Variants in PTH2R observed in about 807,000 individuals in gnomAD.
PTH2R encodes the protein PTH2 receptor.
In PTH2R, 59 loss-of-function variants were observed where a neutral mutation model predicts 60.3. That is an observed-to-expected ratio of 0.98 (90% confidence interval 0.79 to 1.22). The LOEUF (loss-of-function observed/expected upper bound fraction) is 1.22, where lower values mean the gene tolerates loss of function less well. Ranked by LOEUF, PTH2R falls within the 50% of genes most tolerant of loss-of-function variation. The pLI is 0.00. For missense variants in PTH2R, 749 were observed against 682.6 expected (o/e 1.10, Z -1.08); for synonymous variants, 256 against 243.8 (o/e 1.05, Z -0.47).
chr2:208,391,945 A>T (rs1701116017), intron 1 of PTH2R, among the ~76,000 whole-genome samples: 1 of 152,182 alleles, frequency 6.6e-6, no homozygotes, highest in African/African-American at 2.4e-5. Context: ...GCAAGACCCT[A>T]ACTTGAGTAT....
At chr2:208,430,083 A>G (rs1701939579) in intron 2 of PTH2R, among the ~76,000 whole-genome samples, 1 of 152,160 alleles carries the variant, frequency 6.6e-6, no homozygotes. Context: ...GCCAACTAGT[A>G]TGGAAGATAT....
intron 1 of PTH2R, among the ~76,000 whole-genome samples, chr2:208,373,932 C>T: frequency 6.6e-6 from 1 of 152,014 alleles, no homozygotes; most frequent in Middle Eastern, 3.2e-3. Flanking sequence ...GCACTAAAAG[C>T]TTTTTACTTG....
At chr2:208,436,196 C>G (rs1032168500) in intron 2 of PTH2R, among the ~76,000 whole-genome samples, 5 of 152,052 alleles carry the variant, frequency 3.3e-5, no homozygotes. Context: ...AAAAATACAG[C>G]AGGAAAAGGT....
chr2:208,422,915 T>G (rs1179058211), intron 1 of PTH2R, among the ~76,000 whole-genome samples: 1 of 152,138 alleles, frequency 6.6e-6, no homozygotes, highest in Non-Finnish European at 1.5e-5. Context: ...CACTTCCCAC[T>G]CCTCAACTCC....
At chr2:208,429,301 A>G (rs1701922696) in intron 2 of PTH2R, among the ~76,000 whole-genome samples, 1 of 152,098 alleles carries the variant, frequency 6.6e-6, no homozygotes, top group Non-Finnish European at 1.5e-5. Context: ...TCTGAGATAT[A>G]TATATCTTAA....
Position 208,370,369 on chromosome 2 carries a change from G to A in PTH2R, c.-259+10132G>A, listed in dbSNP as rs533470916. Among the ~76,000 whole-genome samples the A allele has an allele frequency of 2.6e-3, 325 of 126,998 alleles. 2 individuals are homozygous for A. Among genetic ancestry groups the A allele is most frequent in the Non-Finnish European group, 3.9e-3 (248 of 63,944 alleles). The allele number at this position is 126,998 out of a possible 152,430, so 83.3% of individuals were successfully genotyped here. A position where few individuals can be genotyped will look rare whatever the true frequency, so the allele number is the denominator to read the frequency against. Reference sequence around the variant, plus strand: ...GAGGCAGGAGAATGGCGTGAACATGGGAGGCGGAGCTTGCAGTGAGCAGAG... The same window carrying A: ...GAGGCAGGAGAATGGCGTGAACATGAGAGGCGGAGCTTGCAGTGAGCAGAG... On this transcript the variant is annotated intron_variant, in intron 1 of 12. Transcript: ENST00000617735.
intron 10 of PTH2R, 31 bp from the exon 11 acceptor site, chr2:208,488,981 A>T: frequency 6.2e-7 from 1 of 1,611,884 alleles, no homozygotes; most frequent in Non-Finnish European, 8.5e-7. Context: ...ACTCTAGTTA[A>T]TGAATGAAAA....
At chr2:208,442,596 GTTATTTGACAA>G in intron 5 of PTH2R, 135 bp downstream of exon 5, 4 of 681,836 alleles carry the variant, frequency 5.9e-6, no homozygotes. Context: ...ATGTTATTAT[GTTATTTGACAA>G]TTAATTTTTC....
intron 1 of PTH2R, among the ~76,000 whole-genome samples, 188 bp downstream of exon 1, chr2:208,407,306 G>C (rs1454777924): frequency 6.6e-6 from 1 of 152,186 alleles, no homozygotes; most frequent in Non-Finnish European, 1.5e-5. Flanking sequence ...TCAAAGATCT[G>C]CTTTAGTGGA....
intron 1 of PTH2R, among the ~76,000 whole-genome samples, chr2:208,397,509 T>G (rs1701233741): frequency 6.6e-6 from 1 of 151,912 alleles, no homozygotes; most frequent in Non-Finnish European, 1.5e-5. Flanking sequence ...TGGAGTGGCT[T>G]TAGGGAGTGG....
At chr2:208,362,235 G>T (rs1358557012) in intron 1 of PTH2R, among the ~76,000 whole-genome samples, 1 of 152,168 alleles carries the variant, frequency 6.6e-6, no homozygotes, top group East Asian at 1.9e-4. Flanking sequence ...GACTTGAATT[G>T]AATTACAGCA....
intron 10 of PTH2R, among the ~76,000 whole-genome samples, chr2:208,484,181 A>G (rs534336587): frequency 8.5e-5 from 13 of 152,366 alleles, no homozygotes; most frequent in African/African-American, 2.9e-4. Flanking sequence ...GCATACTACT[A>G]TGAAAAACAG....
At chr2:208,387,301 A>G (rs909155860) in intron 1 of PTH2R, among the ~76,000 whole-genome samples, 1 of 152,242 alleles carries the variant, frequency 6.6e-6, no homozygotes, top group Admixed American at 6.5e-5. Flanking sequence ...CTTAGATTGT[A>G]TGGGTAAAAC....
intron 9 of PTH2R, among the ~76,000 whole-genome samples, chr2:208,477,952 G>GCACTACTACTAGTACTAGTAGTACTAA (rs1703051806): frequency 3.6e-5 from 1 of 27,732 alleles, no homozygotes; most frequent in African/African-American, 6.5e-5. Flanking sequence ...AGTAGTACTA[G>GCACTACTACTAGTACTAGTAGTACTAA]CACTACTACT....
chr2:208,409,002 G>C (rs2105833527), intron 1 of PTH2R, among the ~76,000 whole-genome samples: 1 of 152,188 alleles, frequency 6.6e-6, no homozygotes, highest in East Asian at 1.9e-4. Flanking sequence ...CTAGATGCCA[G>C]TAGCCCCCCT....
chr2:208,370,672 A>G (rs1274073441), intron 1 of PTH2R, among the ~76,000 whole-genome samples: 1 of 151,948 alleles, frequency 6.6e-6, no homozygotes, highest in Non-Finnish European at 1.5e-5. Context: ...TCTTTTCTAC[A>G]TAGGAAATAA....
At chr2:208,386,533 AG>A (rs1048944278) in intron 1 of PTH2R, among the ~76,000 whole-genome samples, 1 of 152,198 alleles carries the variant, frequency 6.6e-6, no homozygotes, top group African/African-American at 2.4e-5. Flanking sequence ...TGTGTGATAC[AG>A]ACAGAACCTG....
intron 1 of PTH2R, among the ~76,000 whole-genome samples, chr2:208,380,013 A>G (rs751348141): frequency 1.3e-5 from 2 of 152,116 alleles, no homozygotes; most frequent in Non-Finnish European, 2.9e-5. Flanking sequence ...CATTCTCACT[A>G]GCCGTGTGAA....
chr2:208,492,399 C>T (rs1252760964), intron 12 of PTH2R, among the ~76,000 whole-genome samples: 1 of 152,102 alleles, frequency 6.6e-6, no homozygotes. Context: ...CCACTTCACA[C>T]AGAAGTGATT....
Sources: allele counts gnomAD v4.1 joint callset (sites outside exome capture counted in the v4.1 genomes callset), GRCh38; gene constraint gnomAD v4.1.1; transcripts MANE v1.5; gene names NCBI Gene and HGNC (gene_info 2026-07-23, HGNC 2026-07-21).